The following DCAF12 variants were observed in gnomAD, a reference collection of about 807,000 sequenced individuals.
DCAF12 encodes DDB1- and CUL4-associated factor 12.
A neutral mutation model predicts 52.8 loss-of-function variants in DCAF12; 28 were observed. The ratio of observed to expected loss-of-function variants is 0.53; its 90% confidence interval spans 0.39 to 0.73. The LOEUF is 0.73. Among genes scored for constraint, DCAF12 ranks in the 30% least tolerant of loss-of-function variants. The pLI is 0.00. For missense variants in DCAF12, 425 were observed against 552.2 expected, an observed-to-expected ratio of 0.77 and a Z score of 2.31; for synonymous variants, 196 against 215.5, an observed-to-expected ratio of 0.91 and a Z score of 0.79.
chr9:34,110,985 G>GTT (rs1204745952), intron 2 of DCAF12, among the ~76,000 whole-genome samples: 11,126 of 125,844 alleles, frequency 0.088, 767 homozygotes, highest in Non-Finnish European at 0.13. Context: ...ATTCTTTTCT[G>GTT]TTTTTTTTTT....
At chr9:34,102,391 G>A (rs972237590) in intron 4 of DCAF12, among the ~76,000 whole-genome samples, 6 of 152,118 alleles carry the variant, frequency 3.9e-5, no homozygotes, top group African/African-American at 1.4e-4. Flanking sequence ...GGCCGGGCAC[G>A]GTGGCTCACG....
At chr9:34,093,024 T>C (rs1294194612) in intron 7 of DCAF12, among the ~76,000 whole-genome samples, 1 of 152,244 alleles carries the variant, frequency 6.6e-6, no homozygotes, top group African/African-American at 2.4e-5. Flanking sequence ...TTTGTATTTT[T>C]AGTAGAGACG....
chr9:34,101,518 G>A (rs574350507), intron 4 of DCAF12, among the ~76,000 whole-genome samples: 54 of 151,944 alleles, frequency 3.6e-4, no homozygotes, highest in African/African-American at 1.3e-3. Flanking sequence ...TCAGCCTTCC[G>A]AGTAGCTGGG....
At chr9:34,094,781 T>C (rs971958144) in intron 6 of DCAF12, among the ~76,000 whole-genome samples, 4 of 151,958 alleles carry the variant, frequency 2.6e-5, no homozygotes, top group Admixed American at 6.6e-5. Context: ...CCGCCCACCT[T>C]GGCCTCCCAA....
At chr9:34,110,563 C>T (rs1828982050) in intron 2 of DCAF12, among the ~76,000 whole-genome samples, 2 of 152,136 alleles carry the variant, frequency 1.3e-5, no homozygotes, top group East Asian at 1.9e-4. Context: ...AATGACTCCC[C>T]GTCACCTAAA....
In DCAF12 at chr9:34,126,501, T is replaced by C; in HGVS notation, c.-70A>G. ...AAGCGAAGGATAGCAGGACGGCGGGTCATATACTGGGCCCCGGGGCCGCGC... is the reference window on the plus strand; with the variant it reads ...AAGCGAAGGATAGCAGGACGGCGGGCCATATACTGGGCCCCGGGGCCGCGC... On this transcript the variant is annotated 5_prime_UTR_variant, in exon 1 of 9. Transcript: ENST00000361264. 6.5e-7 allele frequency: 1 copy of C among 1,535,032 alleles called. No homozygotes were observed. The highest frequency in any genetic ancestry group is 1.4e-5 in the African/African-American group (1 of 73,082).
intron 2 of DCAF12, among the ~76,000 whole-genome samples, chr9:34,108,812 A>AATAT (rs59340595): frequency 3.7e-4 from 51 of 139,322 alleles, no homozygotes; most frequent in African/African-American, 6.7e-4. Flanking sequence ...TAAATAAATA[A>AATAT]ATATATATAT....
At chr9:34,110,783 CAACAA>C (rs55812352) in intron 2 of DCAF12, among the ~76,000 whole-genome samples, 11 of 150,172 alleles carry the variant, frequency 7.3e-5, no homozygotes, top group Admixed American at 1.3e-4. Flanking sequence ...GACCCTGCCT[CAACAA>C]AACAAAACAA....
Position 34,125,261 on chromosome 9 carries a change from G to C in DCAF12, c.95C>G (p.Ser32Trp), listed in dbSNP as rs1829230452. The C allele has an allele frequency of 6.2e-7, 1 of 1,613,948 alleles. No individual in the cohort carries two copies. Among genetic ancestry groups the C allele is most frequent in the Admixed American group, 1.7e-5 (1 of 59,992 alleles). ...AQGPQFGWDH[S>W]LHKRKRLPPV... Reference sequence around the variant, plus strand: ...AGGAAGTCTTTTCCTTTTGTGAAGCGAGTGATCCCAGCCAAACTGTGGAAA... The same window carrying C: ...AGGAAGTCTTTTCCTTTTGTGAAGCCAGTGATCCCAGCCAAACTGTGGAAA... The change falls in exon 2 of 9, where the codon TCG becomes TGG. Residue 32 changes from serine to tryptophan, a missense_variant. Ser to Trp is a radical substitution (Grantham distance 177). Transcript: ENST00000361264.
At position 34,098,405 on chromosome 9, in the gene DCAF12, C is replaced by T. The variant is rs1260702892; in HGVS notation, c.714G>A (p.Lys238=). 3.1e-6 allele frequency: 5 copies of T among 1,614,212 alleles called. No individual in the cohort carries two copies. Among genetic ancestry groups the T allele is most frequent in the East Asian group, 2.2e-5 (1 of 44,882 alleles). Residue 238 remains lysine, a synonymous_variant, in exon 5 of 9, where the codon AAG becomes AAA. Transcript: ENST00000361264. Reference sequence around the variant, plus strand: ...CTTCTTTGGGGATGTCCTTTAAGGCCTTGTGAGTGATGTGTGCATACACAG... The same window carrying T: ...CTTCTTTGGGGATGTCCTTTAAGGCTTTGTGAGTGATGTGTGCATACACAG... ...RVPVYAHITH[K]ALKDIPKEDT...
chr9:34,089,583 C>T lies in DCAF12; in HGVS notation c.1032G>A (p.Arg344=), dbSNP rs1243781803. The part of the protein sequence containing the change: ...VCSRERGSGI[R]SVSFYEHIIT... ...TGATGTGCTCGTAGAAACTCACTGA[C>T]CGGATTCCTGAAAGACAGAAAAGTA... Residue 344 remains arginine, a synonymous_variant, in exon 8 of 9, where the codon CGG becomes CGA. Transcript: ENST00000361264. The T allele has an allele frequency of 6.2e-7, 1 of 1,601,958 alleles. No individual in the cohort carries two copies. Among genetic ancestry groups the T allele is most frequent in the East Asian group, 2.2e-5 (1 of 44,592 alleles).
At chr9:34,097,348 C>T (rs781218779) in intron 5 of DCAF12, among the ~76,000 whole-genome samples, 3 of 150,498 alleles carry the variant, frequency 2.0e-5, no homozygotes, top group Non-Finnish European at 4.4e-5. Context: ...TGCCAACCTC[C>T]ACCTCCTATA....
intron 2 of DCAF12, among the ~76,000 whole-genome samples, chr9:34,113,345 C>T (rs986026799): frequency 1.2e-4 from 19 of 152,020 alleles, no homozygotes; most frequent in African/African-American, 1.9e-4. Flanking sequence ...GGCCACTGTA[C>T]GCGGCCTGAA....
At chr9:34,093,185 A>G in intron 7 of DCAF12, 101 bp downstream of exon 7, 2 of 1,442,720 alleles carry the variant, frequency 1.4e-6, no homozygotes, top group Non-Finnish European at 9.6e-7. Flanking sequence ...CAAATGTTCC[A>G]TACAGAGCAC....
At chr9:34,106,987 T>C (rs768537725) in intron 3 of DCAF12, among the ~76,000 whole-genome samples, 4 of 152,192 alleles carry the variant, frequency 2.6e-5, no homozygotes, top group Non-Finnish European at 4.4e-5. Flanking sequence ...TTATGTTTTG[T>C]CTATATGTCA....
chr9:34,100,527 C>T (rs952083622), intron 4 of DCAF12, among the ~76,000 whole-genome samples: 1 of 149,366 alleles, frequency 6.7e-6, no homozygotes, highest in African/African-American at 2.5e-5. Context: ...CAAGGCCTCA[C>T]TCTGTTGCCC....
intron 7 of DCAF12, among the ~76,000 whole-genome samples, chr9:34,092,854 T>C (rs1435433707): frequency 1.3e-5 from 2 of 150,966 alleles, no homozygotes; most frequent in African/African-American, 2.4e-5. Flanking sequence ...CCCACACCCC[T>C]TTTTTTTTGA....
chr9:34,091,254 G>T (rs532955881), intron 7 of DCAF12, among the ~76,000 whole-genome samples: 1 of 151,830 alleles, frequency 6.6e-6, no homozygotes, highest in Non-Finnish European at 1.5e-5. Context: ...TTGAACCTGG[G>T]AGGCAGAGGG....
Position 34,093,383 on chromosome 9 carries a change from T to C in DCAF12, c.927A>G (p.Ser309=), listed in dbSNP as rs1448545625. The C allele has an allele frequency of 1.2e-6, 2 of 1,614,112 alleles. No homozygotes were observed. Among genetic ancestry groups the C allele is most frequent in the East Asian group, 2.2e-5 (1 of 44,900 alleles). ...NVCLAYGSEW[S]VYAVGSQAHV... The stretch of plus-strand genomic sequence containing the variant: ...GAGCTTGGGAGCCCACTGCATAAAC[T>C]GACCATTCACTACCATAAGCCAGAC... The change falls in exon 7 of 9, where the codon TCA becomes TCG. Residue 309 remains serine (S), a synonymous_variant. Transcript: ENST00000361264.
Sources: gnomAD v4.1 joint callset for allele counts (sites outside exome capture counted in the v4.1 genomes callset) on GRCh38, gnomAD v4.1.1 for gene constraint, MANE v1.5 for transcripts, NCBI Gene and HGNC (gene_info 2026-07-23, HGNC 2026-07-21) for gene names.